The following KIAA0825 variants were observed in gnomAD, a reference collection of about 807,000 sequenced individuals.
The protein encoded by KIAA0825 is uncharacterized protein KIAA0825.
A neutral mutation model predicts 147.6 loss-of-function variants in KIAA0825; 119 were observed. The ratio of observed to expected loss-of-function variants is 0.81; its 90% CI spans 0.69 to 0.94. KIAA0825 has a LOEUF of 0.94. Among genes scored for constraint, KIAA0825 ranks in the 40% least tolerant of loss-of-function variants. The probability of loss-of-function intolerance (pLI) is 0.00; values close to 1 mark genes in which losing one functional copy is unlikely to be tolerated. For synonymous variants in KIAA0825, 470 were observed against 518.1 expected (o/e 0.91, Z 1.26); for missense variants, 1,381 against 1,472.7 (o/e 0.94, Z 1.02).
At chr5:94,446,600 T>G (rs1757753889) in intron 13 of KIAA0825, among the ~76,000 whole-genome samples, 1 of 151,926 alleles carries the variant, frequency 6.6e-6, no homozygotes, top group Non-Finnish European at 1.5e-5. Flanking sequence ...TGTAAATGGG[T>G]TAATGTGTGG....
At chr5:94,346,825 G>A (rs1783051261) in intron 20 of KIAA0825, among the ~76,000 whole-genome samples, 1 of 152,176 alleles carries the variant, frequency 6.6e-6, no homozygotes, top group Non-Finnish European at 1.5e-5. Context: ...CAGAACTTGG[G>A]GGAGGGCACA....
intron 20 of KIAA0825, among the ~76,000 whole-genome samples, chr5:94,162,114 T>A (rs1460678309): frequency 4.6e-5 from 7 of 152,194 alleles, no homozygotes; most frequent in Non-Finnish European, 1.0e-4. Context: ...CTTCGTCTTA[T>A]TTCTCAGCAT....
chr5:94,387,345 G>A (rs141392315), intron 18 of KIAA0825, among the ~76,000 whole-genome samples: 2,604 of 152,218 alleles, frequency 0.017, 77 homozygotes, highest in African/African-American at 0.059. Context: ...CCTCACCTGG[G>A]AGCTTGTTAG....
At chr5:94,586,002 A>G (rs537407193) in intron 1 of KIAA0825, among the ~76,000 whole-genome samples, 31 of 152,228 alleles carry the variant, frequency 2.0e-4, no homozygotes, top group Non-Finnish European at 3.2e-4. Context: ...GAGAACAAAG[A>G]CATAACATAC....
chr5:94,193,968 T>C (rs931864003), intron 20 of KIAA0825, among the ~76,000 whole-genome samples: 2 of 152,178 alleles, frequency 1.3e-5, no homozygotes, highest in African/African-American at 2.4e-5. Flanking sequence ...TATTTGGGGA[T>C]AGGGCTGGGG....
chr5:94,538,305 G>A (rs894176528), intron 2 of KIAA0825, among the ~76,000 whole-genome samples: 2 of 152,228 alleles, frequency 1.3e-5, no homozygotes, highest in Non-Finnish European at 2.9e-5. Flanking sequence ...GAAGGTCTCT[G>A]AGGAGGTGAC....
intron 20 of KIAA0825, among the ~76,000 whole-genome samples, chr5:94,265,536 C>T (rs558972617): frequency 1.0e-3 from 156 of 152,222 alleles, no homozygotes; most frequent in African/African-American, 3.7e-3. Flanking sequence ...CGGTGGCTTA[C>T]ACCTGCAATC....
chr5:94,382,864 G>A (rs189082770), intron 20 of KIAA0825, among the ~76,000 whole-genome samples: 5 of 152,282 alleles, frequency 3.3e-5, no homozygotes, highest in Non-Finnish European at 7.3e-5. Flanking sequence ...TGTCCCTAGA[G>A]GACCATTTAG....
intron 1 of KIAA0825, among the ~76,000 whole-genome samples, chr5:94,602,974 G>A (rs996150191): frequency 6.6e-6 from 1 of 151,964 alleles, no homozygotes; most frequent in African/African-American, 2.4e-5. Flanking sequence ...GATTACAGGT[G>A]CCTGCCATTG....
At chr5:94,364,283 G>A (rs767019691) in intron 20 of KIAA0825, among the ~76,000 whole-genome samples, 1 of 151,828 alleles carries the variant, frequency 6.6e-6, no homozygotes, top group Non-Finnish European at 1.5e-5. Flanking sequence ...CAGAGTAGGG[G>A]GTGATGACAG....
intron 20 of KIAA0825, among the ~76,000 whole-genome samples, chr5:94,228,427 T>TA (rs1209987726): frequency 6.6e-6 from 1 of 152,188 alleles, no homozygotes; most frequent in Non-Finnish European, 1.5e-5. Context: ...TGTAGCCACT[T>TA]ACAACCATGA....
intron 2 of KIAA0825, among the ~76,000 whole-genome samples, chr5:94,539,016 AT>A (rs1050863466): frequency 2.0e-5 from 3 of 152,234 alleles, no homozygotes; most frequent in African/African-American, 4.8e-5. Flanking sequence ...TGGTTAAGGC[AT>A]TCTAAGTCAC....
rs1184875375 is a variant in KIAA0825, at chr5:94,152,042, T to C, written c.*1965A>G. On this transcript the variant is annotated 3_prime_UTR_variant, in exon 21 of 21. Transcript: ENST00000682413. Reference sequence around the variant, plus strand: ...CATTTTCTAAATGGTCTTCATAGAATTTTTAGAAATTACTTCAACCAAATC... The same window carrying C: ...CATTTTCTAAATGGTCTTCATAGAACTTTTAGAAATTACTTCAACCAAATC... Among the ~76,000 whole-genome samples the C allele has an allele frequency of 6.6e-6, 1 of 152,212 alleles. No homozygotes were observed. Among genetic ancestry groups the C allele is most frequent in the Non-Finnish European group, 1.5e-5 (1 of 68,036 alleles).
At chr5:94,451,918 T>C (rs1301248048) in intron 13 of KIAA0825, among the ~76,000 whole-genome samples, 3 of 152,226 alleles carry the variant, frequency 2.0e-5, no homozygotes, top group Non-Finnish European at 4.4e-5. Flanking sequence ...TTGTTACTTT[T>C]GCAACAATGA....
At chr5:94,455,541 T>C (rs1338600008) in intron 12 of KIAA0825, among the ~76,000 whole-genome samples, 1 of 152,034 alleles carries the variant, frequency 6.6e-6, no homozygotes, top group Non-Finnish European at 1.5e-5. Flanking sequence ...CATTTTTTAA[T>C]ATAGGAGATG....
intron 20 of KIAA0825, among the ~76,000 whole-genome samples, chr5:94,320,259 A>G (rs1183623236): frequency 6.6e-6 from 1 of 152,042 alleles, no homozygotes; most frequent in Non-Finnish European, 1.5e-5. Context: ...TTACATGCAT[A>G]GAATATGTAA....
At chr5:94,561,604 A>G (rs905372226) in intron 2 of KIAA0825, among the ~76,000 whole-genome samples, 3 of 152,184 alleles carry the variant, frequency 2.0e-5, no homozygotes, top group Non-Finnish European at 4.4e-5. Flanking sequence ...TATGGACTCT[A>G]CGCTTCTCAT....
At chr5:94,604,963 T>C (rs1050735445) in intron 1 of KIAA0825, among the ~76,000 whole-genome samples, 11 of 151,660 alleles carry the variant, frequency 7.3e-5, no homozygotes, top group Non-Finnish European at 1.2e-4. Flanking sequence ...ATCCAGGAGC[T>C]GGATTTCAAA....
At chr5:94,384,021 C>T (rs146632804) in intron 20 of KIAA0825, among the ~76,000 whole-genome samples, 25 of 152,114 alleles carry the variant, frequency 1.6e-4, no homozygotes, top group African/African-American at 5.8e-4. Context: ...ACGTTCAAGT[C>T]AATAACTTTT....
Sources: gnomAD v4.1 joint callset for allele counts (sites outside exome capture counted in the v4.1 genomes callset) on GRCh38, gnomAD v4.1.1 for gene constraint, MANE v1.5 for transcripts, NCBI Gene and HGNC (gene_info 2026-07-23, HGNC 2026-07-21) for gene names.